Variants in TMEM135 observed in about 807,000 individuals in gnomAD.
TMEM135 encodes the protein peroxisomal membrane protein 52.
TMEM135 carries 30 observed loss-of-function variants against 60.3 expected under a neutral mutation model. That is an observed-to-expected ratio of 0.50 (90% confidence interval 0.37 to 0.68). TMEM135 has a LOEUF of 0.68. Among genes scored for constraint, TMEM135 ranks in the 30% least tolerant of loss-of-function variants. The pLI is 0.00. For missense variants in TMEM135, 468 were observed against 548.8 expected (o/e 0.85, Z 1.47); for synonymous variants, 190 against 186.7 (o/e 1.02, Z -0.14).
At chr11:87,278,144 C>T (rs1942000992) in intron 6 of TMEM135, among the ~76,000 whole-genome samples, 1 of 152,118 alleles carries the variant, frequency 6.6e-6, no homozygotes, top group African/African-American at 2.4e-5. Flanking sequence ...CAGGCTTTTA[C>T]CTTGTATCCT....
chr11:87,091,665 T>A (rs2512501), intron 4 of TMEM135, among the ~76,000 whole-genome samples: 82,308 of 151,292 alleles, frequency 0.54, 23,085 homozygotes, highest in East Asian at 0.7. Context: ...TCTGATAGGC[T>A]GTACTTGTAT....
At chr11:87,281,302 A>G (rs577767037) in intron 6 of TMEM135, among the ~76,000 whole-genome samples, 3 of 152,206 alleles carry the variant, frequency 2.0e-5, no homozygotes, top group Admixed American at 6.5e-5. Context: ...CAGTGATTAC[A>G]TGGACAAAAA....
chr11:87,274,842 A>T (rs1002196397), intron 6 of TMEM135, among the ~76,000 whole-genome samples: 2 of 146,196 alleles, frequency 1.4e-5, no homozygotes, highest in African/African-American at 5.0e-5. Context: ...ATATATTTAT[A>T]TATGTGTGTA....
chr11:87,119,674 C>G (rs1857990781), intron 4 of TMEM135, among the ~76,000 whole-genome samples: 1 of 152,198 alleles, frequency 6.6e-6, no homozygotes, highest in Admixed American at 6.5e-5. Flanking sequence ...GCACTCCAGC[C>G]TGGGTGATAG....
At chr11:87,160,632 AGTTT>A (rs1746694932) in intron 5 of TMEM135, among the ~76,000 whole-genome samples, 1 of 152,216 alleles carries the variant, frequency 6.6e-6, no homozygotes, top group Admixed American at 6.5e-5. Flanking sequence ...AATTATTATT[AGTTT>A]GACAGTTGAA....
intron 4 of TMEM135, among the ~76,000 whole-genome samples, chr11:87,112,229 A>G (rs1489640946): frequency 6.6e-6 from 1 of 152,192 alleles, no homozygotes; most frequent in African/African-American, 2.4e-5. Context: ...AAATCATTTT[A>G]TGTGACTTTG....
chr11:87,073,824 C>T (rs11234951), intron 3 of TMEM135, among the ~76,000 whole-genome samples: 69,065 of 151,628 alleles, frequency 0.46, 16,571 homozygotes, highest in East Asian at 0.64. Context: ...CCTGCCACCA[C>T]GCCTGGCTAA....
chr11:87,233,669 A>G (rs906420495), intron 5 of TMEM135, among the ~76,000 whole-genome samples: 2 of 152,114 alleles, frequency 1.3e-5, no homozygotes, highest in African/African-American at 4.8e-5. Context: ...GTATTGGACT[A>G]CAGTATCCTG....
intron 5 of TMEM135, among the ~76,000 whole-genome samples, chr11:87,197,597 G>GT (rs139115919): frequency 4.2e-4 from 63 of 151,010 alleles, no homozygotes; most frequent in Non-Finnish European, 3.4e-4. Context: ...AAAATTGGTA[G>GT]TTTTTTTATT....
At chr11:87,267,686 A>G (rs571390199) in intron 6 of TMEM135, among the ~76,000 whole-genome samples, 5 of 150,656 alleles carry the variant, frequency 3.3e-5, no homozygotes, top group African/African-American at 1.2e-4. Context: ...ATGAAACTAA[A>G]TGTCATGATC....
rs577165473 is a variant in TMEM135 at position 87,288,089 on chromosome 11, G to A, written c.510-7693G>A. Reference sequence around the variant, plus strand: ...CCTCTTAACTCATCCAACTTCAATAGGTAGTCCACTACCCACAGTTTGGTT... The same window carrying A: ...CCTCTTAACTCATCCAACTTCAATAAGTAGTCCACTACCCACAGTTTGGTT... On this transcript the variant is annotated intron_variant, in intron 6 of 14. Transcript: ENST00000305494. Among the ~76,000 whole-genome samples, 5 of 152,204 alleles carry A rather than the reference G, an allele frequency of 3.3e-5. 1 individual carries two copies. The highest frequency in any genetic ancestry group is 7.4e-5 in the Non-Finnish European group (5 of 67,996).
chr11:87,239,339 G>A (rs183763011), intron 6 of TMEM135, among the ~76,000 whole-genome samples: 12 of 152,098 alleles, frequency 7.9e-5, no homozygotes, highest in Admixed American at 7.2e-4. Context: ...CAGAGGTTTG[G>A]TAAATGGTAA....
Position 87,295,770 on chromosome 11 carries a change from T to A in TMEM135, c.510-12T>A, listed in dbSNP as rs1216053483. 1 of 1,596,532 alleles carries A rather than the reference T, an allele frequency of 6.3e-7. No individual in the cohort carries two copies. The highest frequency in any genetic ancestry group is 1.3e-5 in the African/African-American group (1 of 74,556). On this transcript the variant is annotated splice_polypyrimidine_tract_variant and intron_variant, in intron 6 of 14. Coordinates refer to ENST00000305494, the MANE Select transcript of TMEM135 (RefSeq NM_022918.4). Reference sequence around the variant, plus strand: ...TATGTTATTTTATGATTGTAAATTCTTATTGTTTTAGGTGCAAGGATGGCT... The same window carrying A: ...TATGTTATTTTATGATTGTAAATTCATATTGTTTTAGGTGCAAGGATGGCT...
intron 1 of TMEM135, among the ~76,000 whole-genome samples, chr11:87,053,191 CA>C (rs71274420): frequency 0.076 from 5,493 of 72,016 alleles, 89 homozygotes; most frequent in African/African-American, 0.13. Context: ...GGAGGGATAG[CA>C]AAAAAAAAAA....
At chr11:87,067,879 A>G in intron 2 of TMEM135, 58 bp downstream of exon 2, 4 of 1,597,840 alleles carry the variant, frequency 2.5e-6, no homozygotes, top group Non-Finnish European at 3.4e-6. Context: ...AAATGGAAAC[A>G]AGTATGTGTT....
chr11:87,155,212 T>C (rs1938660760), intron 4 of TMEM135, among the ~76,000 whole-genome samples: 1 of 152,208 alleles, frequency 6.6e-6, no homozygotes, highest in Admixed American at 6.5e-5. Flanking sequence ...TTGGCCAGGC[T>C]GGTCTCGAAC....
At chr11:87,063,824 A>G (rs1193434644) in intron 1 of TMEM135, among the ~76,000 whole-genome samples, 2 of 152,240 alleles carry the variant, frequency 1.3e-5, no homozygotes, top group Non-Finnish European at 2.9e-5. Context: ...TGGTCTATCA[A>G]TATGGTAAAT....
intron 4 of TMEM135, among the ~76,000 whole-genome samples, chr11:87,123,209 A>T (rs1264916993): frequency 6.6e-6 from 1 of 152,198 alleles, no homozygotes; most frequent in Non-Finnish European, 1.5e-5. Flanking sequence ...GGCAACAGAA[A>T]TTTATTCTCT....
chr11:87,270,806 G>C (rs1184932110), intron 6 of TMEM135, among the ~76,000 whole-genome samples: 2 of 151,876 alleles, frequency 1.3e-5, no homozygotes, highest in Non-Finnish European at 2.9e-5. Flanking sequence ...TGTAATTTTG[G>C]CTTATAGGAC....
Sources: gnomAD v4.1 joint callset for allele counts (sites outside exome capture counted in the v4.1 genomes callset) on GRCh38, gnomAD v4.1.1 for gene constraint, MANE v1.5 for transcripts, NCBI Gene and HGNC (gene_info 2026-07-23, HGNC 2026-07-21) for gene names.